Variants in DDR2 observed in about 807,000 individuals in gnomAD.
DDR2 encodes discoidin domain-containing receptor 2.
DDR2 carries 27 observed loss-of-function variants against 94.9 expected under a neutral mutation model. The observed-to-expected ratio is 0.28, with a 90% CI of 0.21 to 0.39. DDR2 has a LOEUF of 0.39. Ranked by LOEUF, DDR2 falls within the 10% of genes least tolerant of loss-of-function variation. DDR2 has a pLI of 1.00. For synonymous variants in DDR2, 382 were observed against 377.2 expected (o/e 1.01, Z -0.15); for missense variants, 783 against 1,076.0 (o/e 0.73, Z 3.81).
At chr1:162,740,104 C>T (rs867616121) in intron 3 of DDR2, among the ~76,000 whole-genome samples, 2 of 151,898 alleles carry the variant, frequency 1.3e-5, no homozygotes, top group African/African-American at 2.4e-5. Context: ...CTATTTTCTC[C>T]CCAATATGCA....
In DDR2 at chr1:162,737,572, G is replaced by A. The variant is rs1662372695; in HGVS notation, c.83-15523G>A. 3.1e-5 allele frequency among the ~76,000 whole-genome samples: 4 copies of A among 127,350 alleles called. No homozygotes were observed. In the East Asian group the frequency reaches 9.0e-4, roughly 29 times the overall value. 83.5% of individuals were successfully genotyped at this position (127,350 alleles called of 152,430 possible). On this transcript the variant is annotated intron_variant, in intron 3 of 17. Coordinates refer to ENST00000367921, the MANE Select transcript of DDR2 (RefSeq NM_006182.4). ...CCAGTCTAACATTGTTGGACATTTG[G>A]GTTGGTTCCAAGTCTTTGCTATTGT...
At chr1:162,712,098 C>A (rs1486206118) in intron 2 of DDR2, among the ~76,000 whole-genome samples, 1 of 151,582 alleles carries the variant, frequency 6.6e-6, no homozygotes, top group Admixed American at 6.6e-5. Flanking sequence ...CCATACCATC[C>A]TATCTGAGCA....
chr1:162,651,638 A>C (rs969561944), intron 1 of DDR2, among the ~76,000 whole-genome samples: 1 of 152,224 alleles, frequency 6.6e-6, no homozygotes, highest in Non-Finnish European at 1.5e-5. Context: ...ACTATAGTAC[A>C]TATTACATAC....
At chr1:162,705,650 T>C (rs1242498591) in intron 2 of DDR2, among the ~76,000 whole-genome samples, 1 of 152,020 alleles carries the variant, frequency 6.6e-6, no homozygotes, top group Non-Finnish European at 1.5e-5. Flanking sequence ...TCCAGCCTCG[T>C]TGTTGGAATG....
At chr1:162,685,018 G>A (rs188027018) in intron 2 of DDR2, among the ~76,000 whole-genome samples, 95 of 152,226 alleles carry the variant, frequency 6.2e-4, no homozygotes, top group Non-Finnish European at 8.1e-4. Flanking sequence ...GAGATAGTAC[G>A]GCCTAGTGGC....
At chr1:162,648,849 T>G (rs1468584954) in intron 1 of DDR2, among the ~76,000 whole-genome samples, 1 of 152,158 alleles carries the variant, frequency 6.6e-6, no homozygotes, top group Non-Finnish European at 1.5e-5. Flanking sequence ...ACCAGAACCC[T>G]TAGTAGGAGA....
intron 2 of DDR2, among the ~76,000 whole-genome samples, chr1:162,674,662 T>C (rs1659041857): frequency 6.6e-6 from 1 of 152,230 alleles, no homozygotes; most frequent in Admixed American, 6.5e-5. Flanking sequence ...CCTGTTCTTT[T>C]GGACACACAA....
At chr1:162,728,599 A>C (rs977858139) in intron 3 of DDR2, among the ~76,000 whole-genome samples, 1 of 152,180 alleles carries the variant, frequency 6.6e-6, no homozygotes, top group Non-Finnish European at 1.5e-5. Context: ...ATGCTATGCC[A>C]TGCTGTCTTT....
chr1:162,746,136 C>T (rs1662849839), intron 3 of DDR2, among the ~76,000 whole-genome samples: 1 of 152,196 alleles, frequency 6.6e-6, no homozygotes, highest in Non-Finnish European at 1.5e-5. Flanking sequence ...AAAGTGGGTG[C>T]AGCCCACAGA....
At chr1:162,737,664 G>T (rs1273089609) in intron 3 of DDR2, among the ~76,000 whole-genome samples, 1 of 115,300 alleles carries the variant, frequency 8.7e-6, no homozygotes, top group Non-Finnish European at 1.8e-5. Flanking sequence ...AGTCATTTGG[G>T]TATATACCCA....
intron 2 of DDR2, among the ~76,000 whole-genome samples, chr1:162,684,964 C>T (rs1225486732): frequency 6.6e-6 from 1 of 152,100 alleles, no homozygotes; most frequent in Admixed American, 6.6e-5. Flanking sequence ...GGATAACACT[C>T]AAACTTGAAT....
chr1:162,767,814 G>GTGTT (rs1374699541), intron 11 of DDR2, among the ~76,000 whole-genome samples: 13 of 151,982 alleles, frequency 8.6e-5, no homozygotes, highest in South Asian at 2.1e-4. Flanking sequence ...TTTGGTGTGT[G>GTGTT]TGTGTGTGTG....
At chr1:162,718,574 C>G (rs1451851485) in intron 2 of DDR2, among the ~76,000 whole-genome samples, 2 of 151,922 alleles carry the variant, frequency 1.3e-5, no homozygotes, top group African/African-American at 4.8e-5. Flanking sequence ...AATACAGAAT[C>G]CCAGGTATCA....
chr1:162,648,066 T>C (rs1168476987), intron 1 of DDR2, among the ~76,000 whole-genome samples: 2 of 152,112 alleles, frequency 1.3e-5, no homozygotes. Context: ...CCTTTTTTTT[T>C]TTTTTGAGTA....
intron 2 of DDR2, among the ~76,000 whole-genome samples, chr1:162,659,294 A>G (rs1658174671): frequency 6.6e-6 from 1 of 152,180 alleles, no homozygotes; most frequent in Non-Finnish European, 1.5e-5. Flanking sequence ...TGTTCAAGGA[A>G]CACATGCTTT....
intron 3 of DDR2, among the ~76,000 whole-genome samples, chr1:162,728,601 G>A (rs1661840474): frequency 6.6e-6 from 1 of 152,154 alleles, no homozygotes; most frequent in Non-Finnish European, 1.5e-5. Flanking sequence ...GCTATGCCAT[G>A]CTGTCTTTCC....
intron 1 of DDR2, among the ~76,000 whole-genome samples, chr1:162,654,659 T>G (rs1468545388): frequency 6.6e-6 from 1 of 151,912 alleles, no homozygotes; most frequent in Non-Finnish European, 1.5e-5. Context: ...TTCTGGGGAG[T>G]CCTTGAGACC....
At chr1:162,641,372 C>G (rs1181292771) in intron 1 of DDR2, among the ~76,000 whole-genome samples, 1 of 152,126 alleles carries the variant, frequency 6.6e-6, no homozygotes, top group Admixed American at 6.6e-5. Flanking sequence ...GAATATGCTC[C>G]TCTCTCCTCT....
At chr1:162,765,232 A>G (rs1257236433) in intron 9 of DDR2, among the ~76,000 whole-genome samples, 2 of 152,194 alleles carry the variant, frequency 1.3e-5, no homozygotes, top group African/African-American at 4.8e-5. Flanking sequence ...AATCCAATGC[A>G]TAATAATATT....
Sources: gnomAD v4.1 joint callset for allele counts (sites outside exome capture counted in the v4.1 genomes callset) on GRCh38, gnomAD v4.1.1 for gene constraint, MANE v1.5 for transcripts, NCBI Gene and HGNC (gene_info 2026-07-23, HGNC 2026-07-21) for gene names.